Variants in PLCB4 observed in about 807,000 individuals in gnomAD.
The protein encoded by PLCB4 is phospholipase C beta 4.
Under a neutral mutation model 178.8 loss-of-function variants are expected in PLCB4, and 77 were observed. The observed-to-expected ratio is 0.43, with a 90% CI of 0.36 to 0.52. PLCB4 has a LOEUF of 0.52. Among genes scored for constraint, PLCB4 ranks in the 20% least tolerant of loss-of-function variants. PLCB4 has a pLI of 0.00. For synonymous variants in PLCB4, 496 were observed against 490.8 expected, an observed-to-expected ratio of 1.01 and a Z score of -0.14; for missense variants, 1,024 against 1,453.4, an observed-to-expected ratio of 0.70 and a Z score of 4.80.
In PLCB4 at chr20:9,292,452, C is replaced by T. The variant is rs537174345; in HGVS notation, c.-15-15348C>T. On this transcript the variant is annotated intron_variant, in intron 3 of 39. Coordinates refer to ENST00000378473, the MANE Select transcript of PLCB4 (RefSeq NM_001377142.1). Reference sequence around the variant, plus strand: ...ACAGTCTCTAGGGATAAGAACATCACGCACCTCATGAGGACATGTCCAGGA... The same window carrying T: ...ACAGTCTCTAGGGATAAGAACATCATGCACCTCATGAGGACATGTCCAGGA... Among the ~76,000 whole-genome samples the T allele has an allele frequency of 9.7e-4, 147 of 152,174 alleles. 1 individual carries two copies. The highest frequency in any genetic ancestry group is 2.9e-3 in the African/African-American group (119 of 41,526).
chr20:9,224,197 C>T (rs770947760), intron 3 of PLCB4, among the ~76,000 whole-genome samples: 1 of 152,054 alleles, frequency 6.6e-6, no homozygotes, highest in Non-Finnish European at 1.5e-5. Context: ...CCTCAGGGAC[C>T]CTCTCCATTG....
intron 28 of PLCB4, among the ~76,000 whole-genome samples, chr20:9,431,765 C>T (rs1381393528): frequency 6.6e-6 from 1 of 152,034 alleles, no homozygotes; most frequent in Non-Finnish European, 1.5e-5. Flanking sequence ...CCACCTCAGC[C>T]TCCCAAAGTA....
chr20:9,106,815 T>A (rs544201119), intron 2 of PLCB4, among the ~76,000 whole-genome samples: 1 of 152,244 alleles, frequency 6.6e-6, no homozygotes, highest in African/African-American at 2.4e-5. Context: ...TTTCTAGGAA[T>A]TTGTTGTAAG....
intron 17 of PLCB4, among the ~76,000 whole-genome samples, chr20:9,393,071 C>A (rs2038278945): frequency 6.6e-6 from 1 of 152,102 alleles, no homozygotes; most frequent in African/African-American, 2.4e-5. Flanking sequence ...ATTGGAACAA[C>A]TCCCTTCTTG....
chr20:9,256,464 C>T (rs1043334742), intron 3 of PLCB4, among the ~76,000 whole-genome samples: 27 of 152,216 alleles, frequency 1.8e-4, no homozygotes, highest in African/African-American at 5.8e-4. Context: ...TCTCGACATT[C>T]CTCTTGTCGG....
chr20:9,343,673 A>G (rs1302219503), intron 7 of PLCB4, among the ~76,000 whole-genome samples: 2 of 152,028 alleles, frequency 1.3e-5, no homozygotes, highest in African/African-American at 4.8e-5. Flanking sequence ...TATTTAGGAG[A>G]TTTGTGCTCA....
chr20:9,401,082 A>G (rs1232051988), intron 19 of PLCB4, among the ~76,000 whole-genome samples: 1 of 152,182 alleles, frequency 6.6e-6, no homozygotes, highest in Non-Finnish European at 1.5e-5. Flanking sequence ...TATCCGATGT[A>G]TTTGTTTTCT....
chr20:9,244,006 G>A (rs184592327), intron 3 of PLCB4, among the ~76,000 whole-genome samples: 34 of 152,238 alleles, frequency 2.2e-4, no homozygotes, highest in African/African-American at 7.9e-4. Flanking sequence ...AGGTTGTTAT[G>A]GCCAGAAGCC....
chr20:9,173,275 C>T (rs1381045398), intron 2 of PLCB4, among the ~76,000 whole-genome samples: 1 of 152,140 alleles, frequency 6.6e-6, no homozygotes, highest in African/African-American at 2.4e-5. Flanking sequence ...ATGTTTTGAC[C>T]ATACTTTTGG....
At chr20:9,235,207 G>T (rs1189043732) in intron 3 of PLCB4, among the ~76,000 whole-genome samples, 2 of 152,078 alleles carry the variant, frequency 1.3e-5, no homozygotes, top group Non-Finnish European at 2.9e-5. Flanking sequence ...TAATAGAGAA[G>T]AGGACAATCA....
chr20:9,401,442 C>T (rs1195888164), intron 19 of PLCB4, 48 bp from the exon 20 acceptor site: 2 of 1,264,504 alleles, frequency 1.6e-6, no homozygotes, highest in South Asian at 2.4e-5. Flanking sequence ...GGTCTGACTA[C>T]TTGGCAGTGG....
At chr20:9,255,645 C>T (rs533041287) in intron 3 of PLCB4, among the ~76,000 whole-genome samples, 1 of 152,022 alleles carries the variant, frequency 6.6e-6, no homozygotes, top group South Asian at 2.1e-4. Flanking sequence ...GATTTCACTC[C>T]ATAAATACCT....
chr20:9,107,105 TCC>T (rs1568761535), intron 2 of PLCB4, among the ~76,000 whole-genome samples: 2 of 152,178 alleles, frequency 1.3e-5, no homozygotes, highest in East Asian at 1.9e-4. Flanking sequence ...CTTGTCCCTG[TCC>T]CTTCGATTAG....
intron 13 of PLCB4, among the ~76,000 whole-genome samples, chr20:9,380,988 T>C (rs552197938): frequency 1.3e-5 from 2 of 152,292 alleles, no homozygotes; most frequent in South Asian, 4.1e-4. Context: ...GTCTGTATGT[T>C]ATCTGGACCC....
intron 2 of PLCB4, among the ~76,000 whole-genome samples, chr20:9,187,190 G>T (rs1222051338): frequency 6.6e-6 from 1 of 151,782 alleles, no homozygotes; most frequent in East Asian, 1.9e-4. Flanking sequence ...TGCCAGGCTG[G>T]TCTCAAACTC....
intron 8 of PLCB4, among the ~76,000 whole-genome samples, chr20:9,364,566 C>A (rs1354716441): frequency 6.6e-6 from 1 of 152,232 alleles, no homozygotes; most frequent in East Asian, 1.9e-4. Context: ...GCACAAATCA[C>A]ATGAGTTCAA....
At chr20:9,435,169 C>T (rs1856919569) in intron 28 of PLCB4, among the ~76,000 whole-genome samples, 1 of 152,162 alleles carries the variant, frequency 6.6e-6, no homozygotes, top group Non-Finnish European at 1.5e-5. Context: ...TTCTGCAGGG[C>T]AGGTGGTATC....
intron 3 of PLCB4, among the ~76,000 whole-genome samples, chr20:9,283,805 G>A (rs1320758025): frequency 6.6e-6 from 1 of 151,888 alleles, no homozygotes; most frequent in Non-Finnish European, 1.5e-5. Context: ...AAAGAAGGAG[G>A]AGGCTATATT....
intron 2 of PLCB4, among the ~76,000 whole-genome samples, chr20:9,146,987 A>C (rs2092609258): frequency 6.6e-6 from 1 of 152,156 alleles, no homozygotes; most frequent in African/African-American, 2.4e-5. Flanking sequence ...CTTTTGTGAT[A>C]TCAAAGTCCT....
Sources: gnomAD v4.1 joint callset for allele counts (sites outside exome capture counted in the v4.1 genomes callset) on GRCh38, gnomAD v4.1.1 for gene constraint, MANE v1.5 for transcripts, NCBI Gene and HGNC (gene_info 2026-07-23, HGNC 2026-07-21) for gene names.